VAV3: variants seen among roughly 807,000 people sequenced by gnomAD.
VAV3 encodes the protein guanine nucleotide exchange factor VAV3.
A neutral mutation model predicts 131.2 loss-of-function variants in VAV3; 94 were observed. The ratio of observed to expected loss-of-function variants is 0.72; its 90% CI spans 0.61 to 0.85. The LOEUF (loss-of-function observed/expected upper bound fraction) is 0.85, where lower values mean the gene tolerates loss of function less well. Among genes scored for constraint, VAV3 ranks in the 40% least tolerant of loss-of-function variants. The pLI, the probability that VAV3 is intolerant of heterozygous loss-of-function variation, is 0.00. For missense variants in VAV3, 939 were observed against 1,002.7 expected, an observed-to-expected ratio of 0.94 and a Z score of 0.86; for synonymous variants, 349 against 342.0, an observed-to-expected ratio of 1.02 and a Z score of -0.22.
chr1:107,858,755 G>C (rs1285711421), intron 2 of VAV3, among the ~76,000 whole-genome samples: 1 of 152,174 alleles, frequency 6.6e-6, no homozygotes, highest in African/African-American at 2.4e-5. Flanking sequence ...TAAAAGGTTG[G>C]GGACTGATGC....
intron 15 of VAV3, among the ~76,000 whole-genome samples, chr1:107,720,330 C>T (rs1661408852): frequency 1.3e-5 from 2 of 150,850 alleles, no homozygotes; most frequent in Non-Finnish European, 2.9e-5. Context: ...CTGCAGTGAG[C>T]TGTGATCATG....
At chr1:107,597,121 A>T (rs1456723153) in intron 24 of VAV3, among the ~76,000 whole-genome samples, 2 of 152,094 alleles carry the variant, frequency 1.3e-5, no homozygotes, top group Non-Finnish European at 2.9e-5. Context: ...TGAGTCCTGT[A>T]GATATAAAAT....
chr1:107,914,493 A>G (rs1484645737), intron 1 of VAV3, among the ~76,000 whole-genome samples: 1 of 152,174 alleles, frequency 6.6e-6, no homozygotes, highest in Admixed American at 6.5e-5. Context: ...GGATTAAACA[A>G]TTTCTCTCCC....
chr1:107,949,231 C>T (rs2101326021), intron 1 of VAV3, among the ~76,000 whole-genome samples: 1 of 152,302 alleles, frequency 6.6e-6, no homozygotes, highest in East Asian at 1.9e-4. Context: ...TTTTATGTCA[C>T]ATTCTGGTTT....
At chr1:107,767,310 C>T (rs1217657022) in intron 7 of VAV3, among the ~76,000 whole-genome samples, 1 of 152,148 alleles carries the variant, frequency 6.6e-6, no homozygotes, top group Non-Finnish European at 1.5e-5. Flanking sequence ...GGATATGAGG[C>T]AACTTGAACT....
intron 17 of VAV3, among the ~76,000 whole-genome samples, chr1:107,695,213 C>T (rs902446501): frequency 6.6e-6 from 1 of 151,802 alleles, no homozygotes; most frequent in African/African-American, 2.4e-5. Flanking sequence ...GCTTTGTAGG[C>T]CATATTGGAA....
intron 17 of VAV3, among the ~76,000 whole-genome samples, chr1:107,703,530 C>G (rs542349358): frequency 6.6e-6 from 1 of 152,178 alleles, no homozygotes; most frequent in South Asian, 2.1e-4. Context: ...ATGCCTAGCA[C>G]AGAGAATGGC....
intron 1 of VAV3, among the ~76,000 whole-genome samples, chr1:107,917,583 C>T (rs1483544503): frequency 6.6e-6 from 1 of 152,042 alleles, no homozygotes; most frequent in Non-Finnish European, 1.5e-5. Flanking sequence ...CTGGTAAAAA[C>T]AGAACACAAG....
Position 107,757,282 on chromosome 1 carries a change from T to C in VAV3, c.1065A>G (p.Lys355=). The C allele has an allele frequency of 6.2e-7, 1 of 1,613,584 alleles. No individual in the cohort carries two copies. Among genetic ancestry groups the C allele is most frequent in the South Asian group, 1.1e-5 (1 of 91,002 alleles). ...TTDPTEKANL[K]LALDAMKDLA... is the part of the protein sequence containing the mutation. ...CTACCTTCATGGCATCAAGAGCCAG[T>C]TTCAGATTTGCCTTCTCAGTCGGAT... Residue 355 remains lysine, a synonymous_variant, in exon 11 of 27, where the codon AAA becomes AAG. Transcript: ENST00000370056.
intron 15 of VAV3, among the ~76,000 whole-genome samples, chr1:107,705,795 T>G (rs982079284): frequency 6.6e-6 from 1 of 152,198 alleles, no homozygotes; most frequent in Non-Finnish European, 1.5e-5. Flanking sequence ...ATAATATCAC[T>G]AGTTTACAAA....
At chr1:107,612,543 T>C (rs1016575083) in intron 21 of VAV3, among the ~76,000 whole-genome samples, 1 of 152,136 alleles carries the variant, frequency 6.6e-6, no homozygotes, top group African/African-American at 2.4e-5. Flanking sequence ...TAAAATCTTT[T>C]CCTAAGTCAT....
chr1:107,823,579 C>T (rs1216174222), intron 2 of VAV3, among the ~76,000 whole-genome samples: 1 of 152,000 alleles, frequency 6.6e-6, no homozygotes, highest in African/African-American at 2.4e-5. Context: ...AAAAGCTGAG[C>T]AAAGAGACAG....
intron 2 of VAV3, among the ~76,000 whole-genome samples, chr1:107,808,791 T>C (rs758110773): frequency 2.0e-5 from 3 of 152,196 alleles, no homozygotes; most frequent in Non-Finnish European, 4.4e-5. Flanking sequence ...TACCCTGTTA[T>C]TGAACAAATG....
intron 15 of VAV3, among the ~76,000 whole-genome samples, chr1:107,720,241 CG>C (rs1661401740): frequency 6.6e-6 from 1 of 151,418 alleles, no homozygotes; most frequent in African/African-American, 2.4e-5. Context: ...AAATTAGCCA[CG>C]TATGGTGGCA....
intron 2 of VAV3, among the ~76,000 whole-genome samples, chr1:107,837,152 A>G (rs1320671068): frequency 6.6e-6 from 1 of 152,206 alleles, no homozygotes; most frequent in Non-Finnish European, 1.5e-5. Context: ...CCTGATGAAT[A>G]TAGATGCAGA....
chr1:107,832,472 A>T (rs1376607949), intron 2 of VAV3, among the ~76,000 whole-genome samples: 1 of 152,200 alleles, frequency 6.6e-6, no homozygotes, highest in Non-Finnish European at 1.5e-5. Flanking sequence ...CAGCAATCCA[A>T]AAGGCAGTCC....
In VAV3 at chr1:107,824,990, TAA is replaced by T. The variant is rs939988781; in HGVS notation, c.322-45500_322-45499del. ...GAGGTGATCCCATATGTCTCTAAAC[TAA>T]AAGTCAGTAAACTACCACAGGTGGT... On this transcript the variant is annotated intron_variant, in intron 2 of 26. Coordinates refer to ENST00000370056, the MANE Select transcript of VAV3 (RefSeq NM_006113.5). 8.5e-5 allele frequency among the ~76,000 whole-genome samples: 13 copies of T among 152,286 alleles called. No individual in the cohort carries two copies. The East Asian group carries it at 1.7e-3, about 20-fold the overall frequency.
intron 24 of VAV3, among the ~76,000 whole-genome samples, chr1:107,597,539 A>G (rs1651493374): frequency 2.0e-5 from 3 of 152,206 alleles, no homozygotes; most frequent in Admixed American, 2.0e-4. Context: ...TGTTTTGTGT[A>G]TCCAATGGGA....
intron 25 of VAV3, among the ~76,000 whole-genome samples, chr1:107,575,039 C>T (rs1171889260): frequency 2.2e-5 from 3 of 136,198 alleles, no homozygotes; most frequent in African/African-American, 7.9e-5. Context: ...GTTTAATATT[C>T]GATGGCAGGA....
Sources: gnomAD v4.1 joint callset for allele counts (sites outside exome capture counted in the v4.1 genomes callset) on GRCh38, gnomAD v4.1.1 for gene constraint, MANE v1.5 for transcripts, NCBI Gene and HGNC (gene_info 2026-07-23, HGNC 2026-07-21) for gene names.